PTPRD: variants seen among roughly 807,000 people sequenced by gnomAD.
PTPRD encodes receptor-type tyrosine-protein phosphatase delta.
A neutral mutation model predicts 214.5 loss-of-function variants in PTPRD; 34 were observed. The ratio of observed to expected loss-of-function variants is 0.16; its 90% CI spans 0.12 to 0.21. PTPRD has a LOEUF of 0.21. Among genes scored for constraint, PTPRD ranks in the 10% least tolerant of loss-of-function variants. The pLI is 1.00. For missense variants in PTPRD, 2,545 were observed against 2,398.7 expected, an observed-to-expected ratio of 1.06 and a Z score of -1.27; for synonymous variants, 1,128 against 845.7, an observed-to-expected ratio of 1.33 and a Z score of -5.79.
At chr9:9,822,786 C>G (rs914162376) in intron 5 of PTPRD, among the ~76,000 whole-genome samples, 1 of 151,882 alleles carries the variant, frequency 6.6e-6, no homozygotes, top group Non-Finnish European at 1.5e-5. Flanking sequence ...CTGACATGAC[C>G]TCATGTGACG....
intron 4 of PTPRD, among the ~76,000 whole-genome samples, chr9:10,012,239 T>C (rs1055946080): frequency 6.6e-6 from 1 of 151,888 alleles, no homozygotes; most frequent in Admixed American, 6.6e-5. Flanking sequence ...ATCATCTATA[T>C]GACCAAATTG....
At position 10,000,158 on chromosome 9, in the gene PTPRD, T is replaced by C. The variant is rs199876122; in HGVS notation, c.-472+33560A>G. Among the ~76,000 whole-genome samples, 9 of 152,314 alleles carry C rather than the reference T, an allele frequency of 5.9e-5. No individual in the cohort carries two copies. In the East Asian group the frequency reaches 1.5e-3, roughly 26 times the overall value. ...CAAGTCAAGGGGGAAATGTATGCTC[T>C]TCTCAAGGAAAATGTTGCTTTTATA... is the stretch of plus-strand genomic sequence containing the variant. On this transcript the variant is annotated intron_variant, in intron 4 of 45. Coordinates refer to ENST00000381196, the MANE Select transcript of PTPRD (RefSeq NM_002839.4).
chr9:8,947,029 CTT>C (rs71317390), intron 11 of PTPRD, among the ~76,000 whole-genome samples: 55 of 120,990 alleles, frequency 4.5e-4, no homozygotes, highest in South Asian at 1.9e-3. Context: ...TTTTTCTTTT[CTT>C]TTTTTTTTTT....
intron 9 of PTPRD, among the ~76,000 whole-genome samples, chr9:9,298,302 C>G (rs538706830): frequency 6.6e-6 from 1 of 151,536 alleles, no homozygotes; most frequent in African/African-American, 2.4e-5. Context: ...TTTTAAACAT[C>G]CTTTGTACAT....
chr9:9,630,608 T>A (rs939126471), intron 7 of PTPRD, among the ~76,000 whole-genome samples: 1 of 152,176 alleles, frequency 6.6e-6, no homozygotes, highest in Non-Finnish European at 1.5e-5. Flanking sequence ...AAAATGCCAT[T>A]TAAAAGAGCT....
intron 11 of PTPRD, among the ~76,000 whole-genome samples, chr9:8,968,912 G>C (rs1055350106): frequency 6.6e-6 from 1 of 151,982 alleles, no homozygotes; most frequent in African/African-American, 2.4e-5. Flanking sequence ...AATGGAAAAA[G>C]TTCACAAAAA....
At chr9:9,030,141 A>G (rs2099599887) in intron 10 of PTPRD, among the ~76,000 whole-genome samples, 1 of 151,906 alleles carries the variant, frequency 6.6e-6, no homozygotes, top group Non-Finnish European at 1.5e-5. Context: ...CTATGAAAGG[A>G]TGTAGATGAC....
intron 2 of PTPRD, among the ~76,000 whole-genome samples, chr9:10,509,560 TA>T (rs1318895387): frequency 8.7e-5 from 3 of 34,674 alleles, no homozygotes; most frequent in African/African-American, 1.5e-4. Flanking sequence ...ATAAATATTA[TA>T]TATATATATA....
intron 4 of PTPRD, among the ~76,000 whole-genome samples, chr9:9,974,646 T>C (rs1263968469): frequency 6.6e-6 from 1 of 152,186 alleles, no homozygotes; most frequent in Non-Finnish European, 1.5e-5. Context: ...TTCCGACATC[T>C]TTTGAAAACC....
chr9:9,354,270 A>G (rs567118313), intron 9 of PTPRD, among the ~76,000 whole-genome samples: 2 of 151,982 alleles, frequency 1.3e-5, no homozygotes, highest in African/African-American at 4.8e-5. Context: ...TTGTACAGGG[A>G]CATGTATGGG....
chr9:9,045,694 G>A (rs2099670480), intron 10 of PTPRD, among the ~76,000 whole-genome samples: 1 of 152,100 alleles, frequency 6.6e-6, no homozygotes, highest in Non-Finnish European at 1.5e-5. Context: ...CTCTCAGACT[G>A]TTCCATAATC....
At chr9:9,160,590 A>G (rs546768522) in intron 10 of PTPRD, among the ~76,000 whole-genome samples, 1 of 152,320 alleles carries the variant, frequency 6.6e-6, no homozygotes, top group East Asian at 1.9e-4. Flanking sequence ...GGAAATATAA[A>G]TTAGTACTGC....
intron 2 of PTPRD, among the ~76,000 whole-genome samples, chr9:10,507,736 G>A (rs911462934): frequency 1.3e-5 from 2 of 152,112 alleles, no homozygotes; most frequent in East Asian, 3.9e-4. Flanking sequence ...TGGGAAAACT[G>A]GCTAGCCATA....
intron 14 of PTPRD, among the ~76,000 whole-genome samples, chr9:8,611,811 G>GAGGAGAGGAA (rs1428784740): frequency 1.3e-5 from 2 of 149,632 alleles, no homozygotes; most frequent in African/African-American, 4.9e-5. Context: ...AAAAAGAGGA[G>GAGGAGAGGAA]AGGAGAAGAG....
chr9:9,630,519 C>A (rs1269540148), intron 7 of PTPRD, among the ~76,000 whole-genome samples: 1 of 152,108 alleles, frequency 6.6e-6, no homozygotes, highest in Non-Finnish European at 1.5e-5. Context: ...AAATTGTAAA[C>A]TGAACTAGAA....
chr9:9,529,258 C>A, intron 8 of PTPRD, among the ~76,000 whole-genome samples: 1 of 144,450 alleles, frequency 6.9e-6, no homozygotes, highest in African/African-American at 2.6e-5. Flanking sequence ...AGATTGAAAT[C>A]TAAAAACTCC....
chr9:8,722,834 A>G (rs2098515857), intron 12 of PTPRD, among the ~76,000 whole-genome samples: 1 of 152,234 alleles, frequency 6.6e-6, no homozygotes, highest in Non-Finnish European at 1.5e-5. Context: ...AGAGATAACG[A>G]GCTAAAAGCA....
chr9:9,984,748 G>A (rs942877434), intron 4 of PTPRD, among the ~76,000 whole-genome samples: 1 of 152,090 alleles, frequency 6.6e-6, no homozygotes, highest in Non-Finnish European at 1.5e-5. Context: ...CAAACCTGGG[G>A]CAGCAGAGAG....
chr9:9,284,450 C>G (rs1382397638), intron 9 of PTPRD, among the ~76,000 whole-genome samples: 2 of 151,660 alleles, frequency 1.3e-5, no homozygotes, highest in Non-Finnish European at 2.9e-5. Flanking sequence ...GTCTCCAGAA[C>G]TGATCAGCTT....
Sources: gnomAD v4.1 joint callset for allele counts (sites outside exome capture counted in the v4.1 genomes callset) on GRCh38, gnomAD v4.1.1 for gene constraint, MANE v1.5 for transcripts, NCBI Gene and HGNC (gene_info 2026-07-23, HGNC 2026-07-21) for gene names.